The following TENM3 variants were observed in gnomAD, a reference collection of about 807,000 sequenced individuals.
TENM3 encodes teneurin transmembrane protein 3.
In TENM3, 63 loss-of-function variants were observed where a neutral mutation model predicts 255.1. The ratio of observed to expected loss-of-function variants is 0.25; its 90% CI spans 0.20 to 0.30. The LOEUF is 0.30. TENM3 is among the 10% of genes least tolerant of loss of function. TENM3 has a pLI of 1.00. For missense variants in TENM3, 2,929 were observed against 3,461.1 expected, an observed-to-expected ratio of 0.85 and a Z score of 3.86; for synonymous variants, 1,306 against 1,322.3, an observed-to-expected ratio of 0.99 and a Z score of 0.27.
At chr4:182,771,222 A>G (rs1764180242) in intron 22 of TENM3, among the ~76,000 whole-genome samples, 1 of 152,214 alleles carries the variant, frequency 6.6e-6, no homozygotes, top group African/African-American at 2.4e-5. Context: ...GAGAAAGGTG[A>G]AGTTTCTGCT....
At chr4:182,286,334 A>G (rs921982687) in intron 1 of TENM3, among the ~76,000 whole-genome samples, 1 of 152,238 alleles carries the variant, frequency 6.6e-6, no homozygotes, top group African/African-American at 2.4e-5. Flanking sequence ...TAAGCCCAGC[A>G]TAGATCAGCA....
the TENM3 span, among the ~76,000 whole-genome samples, chr4:181,664,962 A>C: frequency 2.0e-5 from 3 of 152,228 alleles, no homozygotes; most frequent in Non-Finnish European, 4.4e-5. Context: ...CTAGTAGGTA[A>C]CATTAACAGT....
intron 3 of TENM3, among the ~76,000 whole-genome samples, chr4:182,357,212 T>C (rs1324300146): frequency 3.3e-5 from 5 of 151,994 alleles, no homozygotes; most frequent in African/African-American, 4.8e-5. Context: ...GCATGATTTA[T>C]AGTCCTTTGG....
At chr4:182,161,270 G>A (rs1320441549) in intron 1 of TENM3, among the ~76,000 whole-genome samples, 1 of 139,500 alleles carries the variant, frequency 7.2e-6, no homozygotes, top group Non-Finnish European at 1.5e-5. Flanking sequence ...CAAAAAATTA[G>A]CCGGGCGTGG....
At chr4:182,340,648 G>A (rs2150616614) in intron 2 of TENM3, among the ~76,000 whole-genome samples, 1 of 152,264 alleles carries the variant, frequency 6.6e-6, no homozygotes, top group East Asian at 1.9e-4. Flanking sequence ...CATAAAATAT[G>A]TATTTGGAAA....
chr4:182,076,628 A>C, the TENM3 span, among the ~76,000 whole-genome samples: 66,045 of 152,020 alleles, frequency 0.43, 14,745 homozygotes, highest in East Asian at 0.73. Flanking sequence ...GAAGCTTCTG[A>C]CATGTCTCTT....
chr4:182,292,982 G>A (rs185453044), intron 1 of TENM3, among the ~76,000 whole-genome samples: 71 of 152,288 alleles, frequency 4.7e-4, no homozygotes, highest in African/African-American at 1.6e-3. Context: ...GCATGGTGCC[G>A]TCTGGGAGCT....
intron 13 of TENM3, among the ~76,000 whole-genome samples, chr4:182,716,359 T>C: frequency 6.6e-6 from 1 of 152,206 alleles, no homozygotes. Flanking sequence ...TTCCTCAAAA[T>C]TTATCAACTG....
intron 3 of TENM3, among the ~76,000 whole-genome samples, chr4:182,418,715 C>G (rs984635031): frequency 5.3e-5 from 8 of 152,286 alleles, no homozygotes; most frequent in African/African-American, 1.9e-4. Flanking sequence ...GCACCCACCA[C>G]AACACCAAGC....
chr4:181,877,825 G>T, the TENM3 span, among the ~76,000 whole-genome samples: 1 of 152,158 alleles, frequency 6.6e-6, no homozygotes, highest in East Asian at 1.9e-4. Flanking sequence ...TGGCCAAGAG[G>T]TTGTCAAATA....
chr4:182,157,251 T>C (rs996085759), intron 1 of TENM3, among the ~76,000 whole-genome samples: 2 of 151,926 alleles, frequency 1.3e-5, no homozygotes, highest in Non-Finnish European at 2.9e-5. Flanking sequence ...GCTTATCCTT[T>C]CCCCCCAACC....
At chr4:182,389,878 G>A (rs1038725915) in intron 3 of TENM3, among the ~76,000 whole-genome samples, 1 of 151,942 alleles carries the variant, frequency 6.6e-6, no homozygotes, top group South Asian at 2.1e-4. Flanking sequence ...GTAGAGACAG[G>A]GTTTCACCAT....
At chr4:181,969,868 G>T in the TENM3 span, among the ~76,000 whole-genome samples, 2 of 152,136 alleles carry the variant, frequency 1.3e-5, no homozygotes, top group African/African-American at 2.4e-5. Context: ...ATTAAGAAAC[G>T]CAGTATTTAA....
chr4:182,539,515 A>G (rs149666296), intron 3 of TENM3, among the ~76,000 whole-genome samples: 68 of 152,282 alleles, frequency 4.5e-4, no homozygotes, highest in African/African-American at 1.6e-3. Flanking sequence ...GAATATTTTA[A>G]TGTTTTTAAA....
At chr4:182,189,089 A>G (rs1188533031) in intron 1 of TENM3, among the ~76,000 whole-genome samples, 6 of 152,176 alleles carry the variant, frequency 3.9e-5, no homozygotes, top group African/African-American at 1.4e-4. Flanking sequence ...CAAAATATAA[A>G]AATTAATACA....
Position 182,648,214 on chromosome 4 carries a change from G to A in TENM3, c.989-5557G>A, listed in dbSNP as rs1431856741. 6.6e-5 allele frequency among the ~76,000 whole-genome samples: 10 copies of A among 152,018 alleles called. 1 individual carries two copies. Among genetic ancestry groups the A allele is most frequent in the Admixed American group, 5.2e-4 (8 of 15,260 alleles). On this transcript the variant is annotated intron_variant, in intron 5 of 27. Coordinates refer to ENST00000511685, the MANE Select transcript of TENM3 (RefSeq NM_001080477.4). The stretch of plus-strand genomic sequence containing the variant: ...CCTTATGGAGGAAACCACTTTTAGC[G>A]AAGATTTAGGGAGGGTAAAAAAATG...
At chr4:181,853,951 A>C in the TENM3 span, among the ~76,000 whole-genome samples, 1 of 152,294 alleles carries the variant, frequency 6.6e-6, no homozygotes, top group Admixed American at 6.5e-5. Context: ...CTTATTACAA[A>C]CCTAGCAGGA....
chr4:182,800,156 C>G lies in TENM3; in HGVS notation c.7905C>G (p.Arg2635=), dbSNP rs748848351. The part of the protein sequence containing the change: ...RQRALARAWA[R]EQQRVRDGEE... ...GCGCGCTCGCCCGGGCCTGGGCGCGCGAGCAGCAGCGCGTGCGCGACGGCG... is the reference window on the plus strand; with the variant it reads ...GCGCGCTCGCCCGGGCCTGGGCGCGGGAGCAGCAGCGCGTGCGCGACGGCG... Residue 2635 remains arginine (R), a synonymous_variant, in exon 28 of 28, where the codon CGC becomes CGG. Transcript: ENST00000511685. 1.9e-4 allele frequency: 270 copies of G among 1,453,070 alleles called. No individual in the cohort carries two copies. Among genetic ancestry groups the G allele is most frequent in the Middle Eastern group, 5.6e-4 (3 of 5,314 alleles). 90.0% of individuals were successfully genotyped at this position (1,453,070 alleles called of 1,614,324 possible). A position where few individuals can be genotyped will look rare whatever the true frequency, so the allele number is the denominator to read the frequency against.
chr4:181,887,327 T>G, the TENM3 span, among the ~76,000 whole-genome samples: 1 of 152,304 alleles, frequency 6.6e-6, no homozygotes, highest in East Asian at 1.9e-4. Context: ...TAAATGTATT[T>G]ACAAGGCTGT....
Sources: allele counts gnomAD v4.1 joint callset (sites outside exome capture counted in the v4.1 genomes callset), GRCh38; gene constraint gnomAD v4.1.1; transcripts MANE v1.5; gene names NCBI Gene and HGNC (gene_info 2026-07-23, HGNC 2026-07-21).